PLRG1: variants seen among roughly 807,000 people sequenced by gnomAD.
The protein encoded by PLRG1 is pleiotropic regulator 1.
In PLRG1, 28 loss-of-function variants were observed where a neutral mutation model predicts 74.9. The ratio of observed to expected loss-of-function variants is 0.37; its 90% CI spans 0.28 to 0.51. PLRG1 has a LOEUF of 0.51. Ranked by LOEUF, PLRG1 falls within the 20% of genes least tolerant of loss-of-function variation. PLRG1 has a pLI of 0.91. For missense variants in PLRG1, 445 were observed against 631.9 expected (o/e 0.70, Z 3.17); for synonymous variants, 197 against 212.4 (o/e 0.93, Z 0.63).
chr4:154,537,614 C>G (rs978044617), intron 13 of PLRG1, 135 bp from the exon 14 acceptor site: 16 of 585,936 alleles, frequency 2.7e-5, no homozygotes, highest in Non-Finnish European at 3.5e-5. Context: ...ACTCCACCTT[C>G]TCTTAATATT....
chr4:154,537,922 G>A, intron 13 of PLRG1, 47 bp downstream of exon 13: 1 of 1,122,628 alleles, frequency 8.9e-7, no homozygotes, highest in Non-Finnish European at 1.3e-6. Flanking sequence ...ATCATTAAAA[G>A]AAAAAATAAC....
rs529032537 is a variant in PLRG1 at position 154,547,951 on chromosome 4, T to C, written c.117-98A>G. On this transcript the variant is annotated intron_variant, in intron 2 of 14. Transcript: ENST00000499023. ...ATTCACGTAGAAAAAGTTTCTAGTA[T>C]GATTTTAAGTAGTATTTAAAAGAAT... is the stretch of plus-strand genomic sequence containing the variant. The C allele has an allele frequency of 1.8e-5, 15 of 829,280 alleles. 1 individual carries two copies. In the African/African-American group the frequency reaches 2.3e-4, roughly 12 times the overall value. 51.4% of individuals were successfully genotyped at this position (829,280 alleles called of 1,614,324 possible). A position where few individuals can be genotyped will look rare whatever the true frequency, so the allele number is the denominator to read the frequency against.
chr4:154,546,604 C>A (rs897214059), intron 4 of PLRG1: 14 of 291,924 alleles, frequency 4.8e-5, no homozygotes, highest in Non-Finnish European at 8.4e-5. Flanking sequence ...ACATACTAAG[C>A]CTTTTGTCCT....
chr4:154,544,775 G>C (rs1729618461), intron 6 of PLRG1, among the ~76,000 whole-genome samples: 1 of 152,182 alleles, frequency 6.6e-6, no homozygotes, highest in African/African-American at 2.4e-5. Flanking sequence ...AACCCAGCTT[G>C]GCCAATTACT....
Position 154,547,045 on chromosome 4 carries a change from A to C in PLRG1, c.279T>G (p.Phe93Leu), listed in dbSNP as rs1419141834. The C allele has an allele frequency of 6.2e-7, 1 of 1,612,662 alleles. No individual in the cohort carries two copies. The highest frequency in any genetic ancestry group is 1.7e-5 in the Admixed American group (1 of 60,016). Reference sequence around the variant, plus strand: ...GTGGGTATGGATGTGTACCTGCCACAAAGTATTCAACTTCTTGTCCTAAAA... The same window carrying C: ...GTGGGTATGGATGTGTACCTGCCACCAAGTATTCAACTTCTTGTCCTAAAA... ...PANQGQEVEY[F>L]VAGTHPYPPG... is the part of the protein sequence containing the mutation. The change falls in exon 4 of 15, where the codon TTT becomes TTG. Residue 93 changes from phenylalanine to leucine, a missense_variant. Transcript: ENST00000499023.
In PLRG1 at chr4:154,542,287, A is replaced by C; in HGVS notation, c.595-8T>G. On this transcript the variant is annotated splice_region_variant and splice_polypyrimidine_tract_variant and intron_variant, in intron 7 of 14. Coordinates refer to ENST00000499023, the MANE Select transcript of PLRG1 (RefSeq NM_002669.4). ...AAGATGCCCACTGATAACCTGTATAAAACAAAGTAGAATGGGCAGGCCAAC... is the reference window on the plus strand; with the variant it reads ...AAGATGCCCACTGATAACCTGTATACAACAAAGTAGAATGGGCAGGCCAAC... 1 of 1,592,902 alleles carries C rather than the reference A, an allele frequency of 6.3e-7. No homozygotes were observed.
chr4:154,550,229 T>A, intron 1 of PLRG1, 71 bp downstream of exon 1: 1 of 1,280,650 alleles, frequency 7.8e-7, no homozygotes, highest in Non-Finnish European at 1.1e-6. Flanking sequence ...GTACTCTCAA[T>A]CCCCCACGCG....
chr4:154,549,795 T>A (rs1334085491), intron 1 of PLRG1: 1 of 456,046 alleles, frequency 2.2e-6, no homozygotes, highest in Admixed American at 2.4e-5. Context: ...TGGAGAAGAG[T>A]GAATGGAATC....
intron 1 of PLRG1, 71 bp from the exon 2 acceptor site, chr4:154,549,006 T>C: frequency 1.1e-6 from 1 of 893,810 alleles, no homozygotes; most frequent in Non-Finnish European, 1.8e-6. Flanking sequence ...TCAGATTGAT[T>C]ATACACTTCA....
rs1312271017 is a variant in PLRG1, at chr4:154,535,367, C to T, written c.*1318G>A. On this transcript the variant is annotated 3_prime_UTR_variant, in exon 15 of 15. Coordinates refer to ENST00000499023, the MANE Select transcript of PLRG1 (RefSeq NM_002669.4). ...AAAGAACAAAGGTGCAATGACTTTG[C>T]TTGTGTACACTTGTCAGATCATTCC... 1 of 151,768 alleles carries T rather than the reference C, an allele frequency of 6.6e-6. No homozygotes were observed. Among genetic ancestry groups the T allele is most frequent in the Non-Finnish European group, 1.5e-5 (1 of 67,946 alleles). 9.4% of individuals were successfully genotyped at this position (151,768 alleles called of 1,614,324 possible).
chr4:154,547,839 A>G lies in PLRG1; in HGVS notation c.131T>C (p.Met44Thr). Reference protein sequence around the residue: ...PLDEESHKRKMAIKLRNEYGP... With the variant: ...PLDEESHKRKTAIKLRNEYGP... ...ATACTCATTACGAAGCTTGATTGCC[A>G]TTTTTCGTTTGTGACTATTTAGAAA... The change falls in exon 3 of 15, where the codon ATG (methionine) becomes ACG (threonine). Residue 44 changes from methionine (M) to threonine (T), a missense_variant. Met to Thr is a moderately conservative substitution (Grantham distance 81). Around this residue, in one of 3 missense-constraint regions of PLRG1, gnomAD observed 206 missense variants for 210.8 expected, o/e 0.98. Transcript: ENST00000499023. 6.2e-7 allele frequency: 1 copy of G among 1,606,530 alleles called. No homozygotes were observed. The highest frequency in any genetic ancestry group is 8.5e-7 in the Non-Finnish European group (1 of 1,176,100).
chr4:154,535,921 T>C lies in PLRG1; in HGVS notation c.*764A>G, dbSNP rs62330399. 34,797 of 152,146 alleles carry C rather than the reference T, an allele frequency of 0.23. 4,821 individuals are homozygous for C. The highest frequency in any genetic ancestry group is 0.34 in the Middle Eastern group (100 of 296). 9.4% of individuals were successfully genotyped at this position (152,146 alleles called of 1,614,324 possible). ...ATTATTCGACAGTAGCAGAACATTC[T>C]TTGTCCCAGAACACACCGCACACTT... is the stretch of plus-strand genomic sequence containing the variant. On this transcript the variant is annotated 3_prime_UTR_variant, in exon 15 of 15. Coordinates refer to ENST00000499023, the MANE Select transcript of PLRG1 (RefSeq NM_002669.4).
At chr4:154,538,908 G>C in intron 12 of PLRG1, 197 bp downstream of exon 12, 1 of 504,510 alleles carries the variant, frequency 2.0e-6, no homozygotes, top group Admixed American at 3.4e-5. Context: ...CAAGTAGAAG[G>C]CTTTCCTCAT....
chr4:154,547,356 C>A, intron 3 of PLRG1: 1 of 520,998 alleles, frequency 1.9e-6, no homozygotes, highest in East Asian at 3.4e-5. Flanking sequence ...CTTGAATTCT[C>A]TTTACTTATT....
Position 154,550,345 on chromosome 4 carries a change from A to T in PLRG1, c.-37T>A. The T allele has an allele frequency of 1.2e-6, 2 of 1,605,696 alleles. No individual in the cohort carries two copies. Among genetic ancestry groups the T allele is most frequent in the Non-Finnish European group, 1.7e-6 (2 of 1,172,530 alleles). ...GTATCCCACCTCCGGCAGGGAAGAA[A>T]CTCTAATCACTAACGCAGTACCCGC... On this transcript the variant is annotated 5_prime_UTR_variant, in exon 1 of 15. Coordinates refer to ENST00000499023, the MANE Select transcript of PLRG1 (RefSeq NM_002669.4).
At position 154,535,019 on chromosome 4, in the gene PLRG1, CTTTA is replaced by C. The variant is rs566283139; in HGVS notation, c.*1662_*1665del. The C allele has an allele frequency of 5.7e-4, 86 of 151,948 alleles. No homozygotes were observed. The highest frequency in any genetic ancestry group is 7.8e-4 in the Non-Finnish European group (53 of 67,914). 9.4% of individuals were successfully genotyped at this position (151,948 alleles called of 1,614,324 possible). A position where few individuals can be genotyped will look rare whatever the true frequency, so the allele number is the denominator to read the frequency against. On this transcript the variant is annotated 3_prime_UTR_variant, in exon 15 of 15. Transcript: ENST00000499023. Reference sequence around the variant, plus strand: ...GAATGCAAGTGTAGTGTTCTTTTTTCTTTATTTAAGTTTACGAAATACATGCTTA... The same window carrying C: ...GAATGCAAGTGTAGTGTTCTTTTTTCTTTAAGTTTACGAAATACATGCTTA...
intron 11 of PLRG1, among the ~76,000 whole-genome samples, chr4:154,539,505 GA>G (rs1215295714): frequency 6.6e-6 from 1 of 151,994 alleles, no homozygotes; most frequent in Admixed American, 6.6e-5. Flanking sequence ...AAACTTCAAT[GA>G]TTTTTTTAAG....
At chr4:154,546,047 T>A (rs763125519) in intron 5 of PLRG1, 76 bp downstream of exon 5, 1 of 1,109,438 alleles carries the variant, frequency 9.0e-7, no homozygotes, top group Non-Finnish European at 1.3e-6. Flanking sequence ...ATAATAGTTA[T>A]AAAGAAATTT....
Position 154,537,990 on chromosome 4 carries a change from C to A in PLRG1, c.1270G>T (p.Asp424Tyr). ...AIINTLTVNS[D>Y]GVLVSGADNG... ...TTACCTCCAGATACAAGCACTCCAT[C>A]AGAATTTACCGTCAATGTGTTAATA... Residue 424 changes from aspartate (D) to tyrosine (Y), a missense_variant, in exon 13 of 15, where the codon GAT becomes TAT. Physicochemically the swap from Asp to Tyr is radical, Grantham distance 160. Transcript: ENST00000499023. 6.6e-7 allele frequency: 1 copy of A among 1,515,568 alleles called. No individual in the cohort carries two copies. 93.9% of individuals were successfully genotyped at this position (1,515,568 alleles called of 1,614,324 possible).
Sources: allele counts gnomAD v4.1 joint callset (sites outside exome capture counted in the v4.1 genomes callset), GRCh38; gene constraint gnomAD v4.1.1; regional missense constraint gnomAD v4.1.1; transcripts MANE v1.5; gene names NCBI Gene and HGNC (gene_info 2026-07-23, HGNC 2026-07-21).